The following NBPF12 variants were observed in gnomAD, a reference collection of about 807,000 sequenced individuals.
The protein encoded by NBPF12 is NBPF member 12, also known as NBPF family member NBPF12.
Under a neutral mutation model 146.4 loss-of-function variants are expected in NBPF12, and 115 were observed. The ratio of observed to expected loss-of-function variants is 0.79; its 90% CI spans 0.68 to 0.92. The LOEUF (loss-of-function observed/expected upper bound fraction) is 0.92. Ranked by LOEUF, NBPF12 falls within the 40% of genes least tolerant of loss-of-function variation. The pLI is 0.00. For synonymous variants in NBPF12, 385 were observed against 508.9 expected (o/e 0.76, Z 3.28); for missense variants, 1,205 against 1,326.8 (o/e 0.91, Z 1.43).
chr1:146,978,260 A>ATTTTTTTTTTTTTTTT (rs1187524068), intron 18 of NBPF12, among the ~76,000 whole-genome samples: 7 of 83,884 alleles, frequency 8.3e-5, no homozygotes, highest in Admixed American at 1.5e-4. Context: ...AGCGTCGTAG[A>ATTTTTTTTTTTTTTTT]TTTTTTTTTT....
Position 146,966,687 on chromosome 1 carries a change from G to A in NBPF12, c.988+14G>A, listed in dbSNP as rs1656234016. The A allele has an allele frequency of 4.0e-6, 5 of 1,260,452 alleles. No individual in the cohort carries two copies. In the Admixed American group the frequency reaches 5.0e-5, roughly 13 times the overall value. 78.1% of individuals were successfully genotyped at this position (1,260,452 alleles called of 1,614,324 possible). A position where few individuals can be genotyped will look rare whatever the true frequency, so the allele number is the denominator to read the frequency against. On this transcript the variant is annotated intron_variant, in intron 9 of 33. Transcript: ENST00000617844. The stretch of plus-strand genomic sequence containing the variant: ...AGAACAAATACAGTAAGATCTACAG[G>A]CTCACCATCACGAAAGTGATGAACA...
intron 10 of NBPF12, among the ~76,000 whole-genome samples, chr1:146,969,175 G>C (rs1204009442): frequency 8.5e-4 from 129 of 151,376 alleles, no homozygotes; most frequent in Non-Finnish European, 1.6e-3. Context: ...CATCATCGAG[G>C]ATCTTGCAGG....
intron 13 of NBPF12, among the ~76,000 whole-genome samples, 166 bp from the exon 17 acceptor site, chr1:146,972,585 A>G (rs1177045780): frequency 6.6e-6 from 1 of 151,586 alleles, no homozygotes; most frequent in African/African-American, 2.4e-5. Flanking sequence ...AGCTAAGACA[A>G]GTTGACTTAA....
At chr1:146,965,835 G>T (rs1267976677) in intron 8 of NBPF12, among the ~76,000 whole-genome samples, 6 of 129,300 alleles carry the variant, frequency 4.6e-5, no homozygotes, top group Non-Finnish European at 8.0e-5. Context: ...CTGACCAGGG[G>T]CGCTGGCTCA....
chr1:146,939,893 G>T (rs1480726218), intron 1 of NBPF12, among the ~76,000 whole-genome samples: 1,921 of 151,638 alleles, frequency 0.013, 51 homozygotes, highest in African/African-American at 0.045. Context: ...TGAGGCAGGA[G>T]ACTCGCTTGA....
chr1:146,965,820 A>AAAAAAG (rs1656164243), intron 8 of NBPF12, among the ~76,000 whole-genome samples: 1 of 138,096 alleles, frequency 7.2e-6, no homozygotes, highest in Non-Finnish European at 1.6e-5. Flanking sequence ...AAAAAAAAAA[A>AAAAAAG]GTCTCTGACC....
rs1417495454 is a variant in NBPF12 at position 146,980,214 on chromosome 1, A to T, written c.2450+1204A>T. On this transcript the variant is annotated intron_variant, in intron 19 of 33. Coordinates refer to ENST00000617844, the Ensembl canonical transcript of NBPF12. The stretch of plus-strand genomic sequence containing the variant: ...ATTTTGAGCCTATGTGTGTCTCTGC[A>T]TGTGAGATGGGTTTTCTGAGTACAG... Among the ~76,000 whole-genome samples the T allele has an allele frequency of 5.7e-3, 870 of 152,114 alleles. 14 individuals are homozygous for T. Among genetic ancestry groups the T allele is most frequent in the African/African-American group, 0.02 (827 of 41,424 alleles).
In NBPF12 at chr1:146,981,292, A is replaced by ATAT. The variant is rs1182919966; in HGVS notation, c.2451-1636_2451-1635insTAT. 8.4e-3 allele frequency among the ~76,000 whole-genome samples: 875 copies of ATAT among 104,022 alleles called. 18 individuals carry two copies. The highest frequency in any genetic ancestry group is 0.032 in the African/African-American group (782 of 24,510). 68.2% of individuals were successfully genotyped at this position (104,022 alleles called of 152,430 possible). ...CTTAAAGTATTAAAAAAAAAAAAAA[A>ATAT]AAATATATATATATATATATATACA... On this transcript the variant is annotated intron_variant, in intron 19 of 33. Coordinates refer to ENST00000617844, the Ensembl canonical transcript of NBPF12.
intron 4 of NBPF12, among the ~76,000 whole-genome samples, chr1:146,961,648 T>G (rs1570838539): frequency 6.6e-6 from 1 of 152,230 alleles, no homozygotes; most frequent in South Asian, 2.1e-4. Flanking sequence ...TCACACTTTA[T>G]GCTTCAGATA....
intron 9 of NBPF12, among the ~76,000 whole-genome samples, 172 bp downstream of exon 12, chr1:146,966,845 ATT>A (rs1656244269): frequency 1.3e-5 from 2 of 149,120 alleles, no homozygotes; most frequent in South Asian, 4.2e-4. Flanking sequence ...GTACCAAAGT[ATT>A]TAGCAACTTT....
At chr1:146,960,035 C>A in intron 3 of NBPF12, 29 bp downstream of exon 6, 1 of 438,364 alleles carries the variant, frequency 2.3e-6, no homozygotes, top group Non-Finnish European at 3.8e-6. Flanking sequence ...TTACTGACAT[C>A]CCTCAGTCCT....
At chr1:146,995,873 A>T (rs1335994464) in exon 34 of NBPF12, 3 of 150,040 alleles carry the variant, frequency 2.0e-5, no homozygotes, top group Non-Finnish European at 2.9e-5. Context: ...CTGTATTCTA[A>T]TGATCATCCT....
At chr1:146,964,979 G>T (rs1553885406) in exon 8 of NBPF12, 16 of 1,606,468 alleles carry the variant, frequency 1.0e-5, no homozygotes, top group African/African-American at 9.7e-5. Flanking sequence ...CACGGCCCTT[G>T]TGACTCCATC....
chr1:146,981,294 A>ATGT (rs1553887974), intron 19 of NBPF12, among the ~76,000 whole-genome samples: 1 of 90,246 alleles, frequency 1.1e-5, no homozygotes, highest in Non-Finnish European at 2.0e-5. Flanking sequence ...AAAAAAAAAA[A>ATGT]ATATATATAT....
intron 31 of NBPF12, 94 bp downstream of exon 34, chr1:146,992,140 CT>C: frequency 1.8e-6 from 1 of 560,028 alleles, no homozygotes; most frequent in Admixed American, 3.4e-5. Context: ...TCGATTACAT[CT>C]TTTCAACCAA....
chr1:146,964,380 G>T, exon 7 of NBPF12: 1 of 1,603,304 alleles, frequency 6.2e-7, no homozygotes, highest in Middle Eastern at 2.0e-4. Flanking sequence ...TGAGGATGAA[G>T]ATGTTCAAGT....
chr1:146,966,657 G>A, exon 9 of NBPF12: 1 of 1,414,890 alleles, frequency 7.1e-7, no homozygotes, highest in Admixed American at 1.7e-5. Flanking sequence ...TCCTGGCCAA[G>A]CAGCAGAACA....
chr1:146,984,554 C>G (rs1657608547), intron 21 of NBPF12, among the ~76,000 whole-genome samples: 1 of 149,324 alleles, frequency 6.7e-6, no homozygotes, highest in Non-Finnish European at 1.5e-5. Flanking sequence ...AGTGTGTCAC[C>G]CGGCCAATTG....
Position 146,975,265 on chromosome 1 carries a change from C to G in NBPF12, c.1905-412C>G, listed in dbSNP as rs1312142316. On this transcript the variant is annotated intron_variant, in intron 15 of 33. Transcript: ENST00000617844. ...CGACCCTGTCATTCTTTTCTTCTTT[C>G]GTCTTTTCAATTCGCCCTATCTGCA... Among the ~76,000 whole-genome samples, 5 of 132,614 alleles carry G rather than the reference C, an allele frequency of 3.8e-5. 1 individual carries two copies. Among genetic ancestry groups the G allele is most frequent in the African/African-American group, 9.1e-5 (3 of 32,848 alleles). The allele number at this position is 132,614 out of a possible 152,430, so 87.0% of individuals were successfully genotyped here.
Sources: allele counts gnomAD v4.1 joint callset (sites outside exome capture counted in the v4.1 genomes callset), GRCh38; gene constraint gnomAD v4.1.1; transcripts MANE v1.5; gene names NCBI Gene and HGNC (gene_info 2026-07-23, HGNC 2026-07-21).